GABRB1: variants seen among roughly 807,000 people sequenced by gnomAD.
GABRB1 encodes gamma-aminobutyric acid type A receptor subunit beta1, also known as gamma-aminobutyric acid receptor subunit beta-1.
In GABRB1, 17 loss-of-function variants were observed where a neutral mutation model predicts 51.6. The observed-to-expected ratio is 0.33, with a 90% confidence interval of 0.23 to 0.49. The LOEUF (loss-of-function observed/expected upper bound fraction) is 0.49, where lower values mean the gene tolerates loss of function less well. GABRB1 is among the 20% of genes least tolerant of loss of function. The pLI is 0.99. For missense variants in GABRB1, 410 were observed against 600.6 expected, an observed-to-expected ratio of 0.68 and a Z score of 3.32; for synonymous variants, 247 against 218.9, an observed-to-expected ratio of 1.13 and a Z score of -1.14.
intron 4 of GABRB1, among the ~76,000 whole-genome samples, chr4:47,232,383 T>G (rs1721170430): frequency 6.6e-6 from 1 of 152,202 alleles, no homozygotes; most frequent in Non-Finnish European, 1.5e-5. Context: ...ACATTCCTAT[T>G]TCTTCTTTTA....
chr4:47,009,166 A>G (rs910494429), intron 1 of GABRB1, among the ~76,000 whole-genome samples: 1 of 150,322 alleles, frequency 6.7e-6, no homozygotes, highest in Non-Finnish European at 1.5e-5. Flanking sequence ...GCCCGGCCAG[A>G]TACTACATTT....
chr4:47,014,944 C>T (rs1724701568), intron 1 of GABRB1, among the ~76,000 whole-genome samples: 1 of 152,060 alleles, frequency 6.6e-6, no homozygotes, highest in Admixed American at 6.6e-5. Flanking sequence ...TCTCGCCCTG[C>T]CTTGCAGACT....
At chr4:47,339,823 G>GCACACACACACACACACGCACACACACA (rs1553876429) in intron 5 of GABRB1, among the ~76,000 whole-genome samples, 9 of 141,976 alleles carry the variant, frequency 6.3e-5, no homozygotes, top group African/African-American at 2.3e-4. Context: ...ATAAATAAAT[G>GCACACACACACACACACGCACACACACA]CACACACACA....
chr4:47,357,031 T>C (rs1266418736), intron 5 of GABRB1, among the ~76,000 whole-genome samples: 2 of 152,216 alleles, frequency 1.3e-5, no homozygotes, highest in Non-Finnish European at 2.9e-5. Context: ...GTCACTTTGA[T>C]GCTAAGCAGA....
chr4:47,012,138 A>G (rs1427659761), intron 1 of GABRB1, among the ~76,000 whole-genome samples: 4 of 152,230 alleles, frequency 2.6e-5, no homozygotes, highest in Non-Finnish European at 5.9e-5. Flanking sequence ...TGTGTATACA[A>G]AATAAATACC....
intron 4 of GABRB1, among the ~76,000 whole-genome samples, chr4:47,219,489 T>C (rs952221726): frequency 6.6e-6 from 1 of 151,930 alleles, no homozygotes; most frequent in Admixed American, 6.6e-5. Flanking sequence ...CTTGTAATTC[T>C]CTTAAGCAAC....
intron 4 of GABRB1, among the ~76,000 whole-genome samples, chr4:47,172,605 A>G (rs1407131960): frequency 1.5e-5 from 2 of 132,208 alleles, no homozygotes; most frequent in Non-Finnish European, 3.3e-5. Context: ...GCATTTCTAT[A>G]TCTTCTAGGA....
At chr4:47,374,720 A>G (rs1002646600) in intron 5 of GABRB1, among the ~76,000 whole-genome samples, 1 of 152,240 alleles carries the variant, frequency 6.6e-6, no homozygotes, top group Non-Finnish European at 1.5e-5. Flanking sequence ...GTGTCATGGC[A>G]TTCCAGTTGG....
intron 3 of GABRB1, 101 bp downstream of exon 3, chr4:47,032,585 G>C (rs762000585): frequency 1.3e-5 from 15 of 1,141,458 alleles, no homozygotes; most frequent in Non-Finnish European, 2.0e-5. Context: ...CCTCGCCCCT[G>C]GCCCCTGAGG....
intron 1 of GABRB1, among the ~76,000 whole-genome samples, chr4:46,996,275 G>T (rs796292357): frequency 3.3e-5 from 5 of 152,026 alleles, no homozygotes; most frequent in African/African-American, 9.6e-5. Flanking sequence ...TCTTTAAGTT[G>T]ATATAAGCCT....
intron 5 of GABRB1, among the ~76,000 whole-genome samples, chr4:47,381,760 C>T (rs142693006): frequency 1.9e-4 from 29 of 152,302 alleles, no homozygotes; most frequent in African/African-American, 3.1e-4. Context: ...CTCTTTCCCC[C>T]CTTCCCTGCC....
intron 4 of GABRB1, among the ~76,000 whole-genome samples, chr4:47,314,905 A>C (rs1302362619): frequency 6.6e-6 from 1 of 151,978 alleles, no homozygotes; most frequent in African/African-American, 2.4e-5. Flanking sequence ...TAAAGACTTA[A>C]ATGTAAAAGA....
At chr4:47,179,698 A>C (rs1427394965) in intron 4 of GABRB1, among the ~76,000 whole-genome samples, 1 of 152,128 alleles carries the variant, frequency 6.6e-6, no homozygotes, top group Non-Finnish European at 1.5e-5. Context: ...ATGGTGGTAA[A>C]TAGGACCATA....
At position 47,241,660 on chromosome 4, in the gene GABRB1, G is replaced by T. The variant is rs561431985; in HGVS notation, c.462-78467G>T. Among the ~76,000 whole-genome samples, 10 of 152,260 alleles carry T rather than the reference G, an allele frequency of 6.6e-5. No individual in the cohort carries two copies. In the South Asian group the frequency reaches 2.1e-3, roughly 32 times the overall value. On this transcript the variant is annotated intron_variant, in intron 4 of 8. Transcript: ENST00000295454. ...TCCCCATAGGGAAAGCAGAGGTAATGCTCAGGGATTCCTGAACCTTACCTC... is the reference window on the plus strand; with the variant it reads ...TCCCCATAGGGAAAGCAGAGGTAATTCTCAGGGATTCCTGAACCTTACCTC...
intron 3 of GABRB1, among the ~76,000 whole-genome samples, chr4:47,135,635 C>T (rs1467827482): frequency 6.6e-6 from 1 of 151,942 alleles, no homozygotes; most frequent in East Asian, 1.9e-4. Context: ...TAGTGCAAGC[C>T]TTCATTATTT....
At chr4:47,376,413 G>A (rs1428820602) in intron 5 of GABRB1, among the ~76,000 whole-genome samples, 1 of 152,192 alleles carries the variant, frequency 6.6e-6, no homozygotes, top group South Asian at 2.1e-4. Context: ...TTGGGAGGTC[G>A]AGACGGGCGG....
chr4:47,345,264 A>G (rs1008692034), intron 5 of GABRB1, among the ~76,000 whole-genome samples: 3 of 152,190 alleles, frequency 2.0e-5, no homozygotes, highest in Non-Finnish European at 2.9e-5. Flanking sequence ...CTATGCTAAG[A>G]TGACAACAGA....
chr4:47,160,587 C>T (rs1436366530), intron 3 of GABRB1, among the ~76,000 whole-genome samples: 1 of 151,970 alleles, frequency 6.6e-6, no homozygotes, highest in Non-Finnish European at 1.5e-5. Flanking sequence ...ATATAATGTC[C>T]AGAGGTCAAT....
At chr4:47,366,592 C>G (rs1051702042) in intron 5 of GABRB1, among the ~76,000 whole-genome samples, 6 of 151,888 alleles carry the variant, frequency 4.0e-5, no homozygotes, top group Non-Finnish European at 8.8e-5. Flanking sequence ...CTGCTACAGA[C>G]AGACCTTGTA....
Sources: gnomAD v4.1 joint callset for allele counts (sites outside exome capture counted in the v4.1 genomes callset) on GRCh38, gnomAD v4.1.1 for gene constraint, MANE v1.5 for transcripts, NCBI Gene and HGNC (gene_info 2026-07-23, HGNC 2026-07-21) for gene names.